The following MRC2 variants were observed in gnomAD, a reference collection of about 807,000 sequenced individuals.
MRC2 encodes mannose receptor C-type 2.
A neutral mutation model predicts 206.2 loss-of-function variants in MRC2; 84 were observed. That is an observed-to-expected ratio of 0.41 (90% CI 0.34 to 0.49). The LOEUF (loss-of-function observed/expected upper bound fraction) is 0.49. Among genes scored for constraint, MRC2 ranks in the 20% least tolerant of loss-of-function variants. The pLI is 0.31. For missense variants in MRC2, 1,676 were observed against 2,001.5 expected (o/e 0.84, Z 3.10); for synonymous variants, 798 against 800.0 (o/e 1.00, Z 0.04).
At chr17:62,682,702 C>T (rs1057457348) in intron 20 of MRC2, among the ~76,000 whole-genome samples, 2 of 149,170 alleles carry the variant, frequency 1.3e-5, no homozygotes, top group African/African-American at 5.0e-5. Flanking sequence ...AGTGCAGTGG[C>T]GCGATCTCGG....
intron 20 of MRC2, 73 bp from the exon 21 acceptor site, chr17:62,688,216 C>A: frequency 7.6e-7 from 1 of 1,318,296 alleles, no homozygotes; most frequent in Admixed American, 1.8e-5. Flanking sequence ...TGCTGAGGGG[C>A]GCACAGTGGC....
chr17:62,682,067 C>T (rs897638363), intron 19 of MRC2, 130 bp downstream of exon 19: 9 of 1,092,102 alleles, frequency 8.2e-6, no homozygotes, highest in East Asian at 2.6e-5. Context: ...CTAGACTCAG[C>T]GAGGGGTGGA....
At chr17:62,649,468 G>A (rs991272037) in intron 1 of MRC2, among the ~76,000 whole-genome samples, 1 of 152,170 alleles carries the variant, frequency 6.6e-6, no homozygotes, top group Admixed American at 6.5e-5. Context: ...GTGGGCGCCT[G>A]TAATCCCAGC....
intron 1 of MRC2, 142 bp downstream of exon 1, chr17:62,628,062 A>C: frequency 3.8e-6 from 2 of 527,158 alleles, no homozygotes; most frequent in Non-Finnish European, 5.9e-6. Context: ...GGTTTTTAAA[A>C]CTCGTCTCCG....
Position 62,643,344 on chromosome 17 carries a change from A to AAAAAAAAG in MRC2, c.118+15427_118+15428insAAAAGAAA, listed in dbSNP as rs1192303393. ...AACTCCGTCAAAAAAAAAAAAAAAAAAAAGAAAAAGAAAAGAAAAAAGAAA... is the reference window on the plus strand; with the variant it reads ...AACTCCGTCAAAAAAAAAAAAAAAAAAAAAAAAGAAAGAAAAAGAAAAGAAAAAAGAAA... On this transcript the variant is annotated intron_variant, in intron 1 of 29. Coordinates refer to ENST00000303375, the MANE Select transcript of MRC2 (RefSeq NM_006039.5). Among the ~76,000 whole-genome samples, 38 of 149,928 alleles carry AAAAAAAAG rather than the reference A, an allele frequency of 2.5e-4. No individual in the cohort carries two copies. In the South Asian group the frequency reaches 7.8e-3, roughly 31 times the overall value.
chr17:62,658,853 A>G (rs988588369), intron 1 of MRC2, among the ~76,000 whole-genome samples: 5 of 152,126 alleles, frequency 3.3e-5, no homozygotes, highest in African/African-American at 7.2e-5. Context: ...AGAACCAGAT[A>G]CCTACTCCTT....
chr17:62,633,441 T>A (rs1320560141), intron 1 of MRC2, among the ~76,000 whole-genome samples: 1 of 145,908 alleles, frequency 6.9e-6, no homozygotes, highest in East Asian at 2.0e-4. Context: ...AGGCGGAGAT[T>A]GCAGTGAGCC....
rs774206521 is a variant in MRC2, at chr17:62,680,200, CACG to C, written c.2341_2343del (p.Asp781del). 6.2e-7 allele frequency: 1 copy of C among 1,614,056 alleles called. No individual in the cohort carries two copies. The highest frequency in any genetic ancestry group is 8.5e-7 in the Non-Finnish European group (1 of 1,179,944). On this transcript the variant is annotated inframe_deletion, in exon 15 of 30. Coordinates refer to ENST00000303375, the MANE Select transcript of MRC2 (RefSeq NM_006039.5). This position sits in a 1 kb window ranked among gnomAD's most constrained non-coding sequence, Gnocchi z 4.8. The stretch of plus-strand genomic sequence containing the variant: ...TTACCACAATTTCGACCGGAGCCGG[CACG>C]ACGACGACGACATCCGAGGCTGTGC...
Position 62,688,316 on chromosome 17 carries a change from C to G in MRC2, c.2974C>G (p.Gln992Glu). 1 of 1,614,138 alleles carries G rather than the reference C, an allele frequency of 6.2e-7. No homozygotes were observed. The highest frequency in any genetic ancestry group is 8.5e-7 in the Non-Finnish European group (1 of 1,180,034). The part of the protein sequence containing the change: ...KCFQVQGQEP[Q>E]SRVKWSEAQF... ...TTTTCAGGTCCAGGGCCAGGAACCC[C>G]AGAGCCGGGTGAAGTGGTCAGAGGC... Residue 992 changes from glutamine (Q) to glutamate (E), a missense_variant, in exon 21 of 30, where the codon CAG becomes GAG. Physicochemically the swap from Gln to Glu is conservative, Grantham distance 29 (BLOSUM62 2). Around this residue, in one of 3 missense-constraint regions of MRC2, gnomAD observed 1,354 missense variants for 1,636.6 expected, o/e 0.83. Coordinates refer to ENST00000303375, the MANE Select transcript of MRC2 (RefSeq NM_006039.5).
chr17:62,681,146 G>GCAGC lies in MRC2; in HGVS notation c.2702+18_2702+21dup. The GCAGC allele has an allele frequency of 6.2e-7, 1 of 1,612,304 alleles. No individual in the cohort carries two copies. The highest frequency in any genetic ancestry group is 8.5e-7 in the Non-Finnish European group (1 of 1,179,442). On this transcript the variant is annotated intron_variant, in intron 18 of 29. Transcript: ENST00000303375. ...GCGCTTCAGGTAGGAACCCAGGCAG[G>GCAGC]CAGCAGATGTGGAAGGGGGCTGGCT...
chr17:62,692,031 C>A lies in MRC2; in HGVS notation c.4193-81C>A. 3 of 1,596,564 alleles carry A rather than the reference C, an allele frequency of 1.9e-6. No homozygotes were observed. The South Asian group carries it at 3.3e-5, about 18-fold the overall frequency. ...TCTCCCCAGACCTCCCGGCCCAGGC[C>A]TGTGTGCTTTGTATGTTTACTTAAG... On this transcript the variant is annotated intron_variant, in intron 28 of 29. Coordinates refer to ENST00000303375, the MANE Select transcript of MRC2 (RefSeq NM_006039.5). This position sits in a 1 kb window ranked among gnomAD's most constrained non-coding sequence, Gnocchi z 4.2.
At chr17:62,645,788 C>T (rs541554697) in intron 1 of MRC2, among the ~76,000 whole-genome samples, 2 of 151,514 alleles carry the variant, frequency 1.3e-5, no homozygotes, top group South Asian at 2.1e-4. Context: ...AATCCACCTG[C>T]CTCAGCTTCC....
chr17:62,676,598 G>T (rs2088895820), intron 11 of MRC2, 67 bp downstream of exon 11: 3 of 1,518,618 alleles, frequency 2.0e-6, no homozygotes. Flanking sequence ...GGCCCTGCCA[G>T]CACCGAGCCC....
In MRC2 at chr17:62,664,396, G is replaced by A; in HGVS notation, c.119-152G>A. Reference sequence around the variant, plus strand: ...CACTGCCACTCATTTCCACCTCAGAGGGTTGGTAGTGAGTACCGAGTGATT... The same window carrying A: ...CACTGCCACTCATTTCCACCTCAGAAGGTTGGTAGTGAGTACCGAGTGATT... On this transcript the variant is annotated intron_variant, in intron 1 of 29. Transcript: ENST00000303375. The surrounding 1 kb of genome is among the most constrained non-coding windows in gnomAD (Gnocchi z 4.7). 1.1e-6 allele frequency: 1 copy of A among 882,680 alleles called. No individual in the cohort carries two copies. Among genetic ancestry groups the A allele is most frequent in the Admixed American group, 2.4e-5 (1 of 41,146 alleles). The allele number at this position is 882,680 out of a possible 1,614,324, so 54.7% of individuals were successfully genotyped here.
chr17:62,649,809 AC>A lies in MRC2; in HGVS notation c.119-14731del, dbSNP rs564222504. On this transcript the variant is annotated intron_variant, in intron 1 of 29. Coordinates refer to ENST00000303375, the MANE Select transcript of MRC2 (RefSeq NM_006039.5). ...ATCAATCATGTTGGCAGGGCAGCAG[AC>A]CCCCCCCGCCCCACCGATACATACA... is the stretch of plus-strand genomic sequence containing the variant. Among the ~76,000 whole-genome samples, 177 of 141,774 alleles carry A rather than the reference AC, an allele frequency of 1.2e-3. 1 individual carries two copies. The highest frequency in any genetic ancestry group is 4.0e-3 in the South Asian group (17 of 4,258). The allele number at this position is 141,774 out of a possible 152,430, so 93.0% of individuals were successfully genotyped here. A position where few individuals can be genotyped will look rare whatever the true frequency, so the allele number is the denominator to read the frequency against.
chr17:62,666,437 G>A lies in MRC2; in HGVS notation c.695-18G>A. ...GACCCTGGAGGGGGCCTGAAGGAGA[G>A]GGCTGTCGTGGTGGCAGGTAACGAC... On this transcript the variant is annotated intron_variant, in intron 3 of 29. Coordinates refer to ENST00000303375, the MANE Select transcript of MRC2 (RefSeq NM_006039.5). This position sits in a 1 kb window ranked among gnomAD's most constrained non-coding sequence, Gnocchi z 5.0. 1.2e-6 allele frequency: 2 copies of A among 1,613,714 alleles called. No homozygotes were observed. The highest frequency in any genetic ancestry group is 1.7e-6 in the Non-Finnish European group (2 of 1,179,996).
chr17:62,672,348 C>T lies in MRC2; in HGVS notation c.1461+196C>T, dbSNP rs1156703020. On this transcript the variant is annotated intron_variant, in intron 8 of 29. Transcript: ENST00000303375. This position sits in a 1 kb window ranked among gnomAD's most constrained non-coding sequence, Gnocchi z 4.5. Reference sequence around the variant, plus strand: ...GGGGCTTGAATCCTACCTCCACCTCCACCTCCAAGTAGCCAAGTCACCTTG... The same window carrying T: ...GGGGCTTGAATCCTACCTCCACCTCTACCTCCAAGTAGCCAAGTCACCTTG... 6.6e-6 allele frequency among the ~76,000 whole-genome samples: 1 copy of T among 152,162 alleles called. No individual in the cohort carries two copies. Among genetic ancestry groups the T allele is most frequent in the African/African-American group, 2.4e-5 (1 of 41,432 alleles).
chr17:62,683,083 C>G (rs1305646344), intron 20 of MRC2, among the ~76,000 whole-genome samples: 1 of 133,614 alleles, frequency 7.5e-6, no homozygotes, highest in Non-Finnish European at 1.8e-5. Context: ...TACTTCCATA[C>G]TAATATGACT....
chr17:62,685,319 A>G (rs988082801), intron 20 of MRC2, among the ~76,000 whole-genome samples: 1 of 152,144 alleles, frequency 6.6e-6, no homozygotes, highest in African/African-American at 2.4e-5. Flanking sequence ...GCCTTTTTCC[A>G]TGGAATTGAG....
Sources: allele counts gnomAD v4.1 joint callset (sites outside exome capture counted in the v4.1 genomes callset), GRCh38; gene constraint gnomAD v4.1.1; regional missense constraint gnomAD v4.1.1; non-coding constraint Gnocchi (gnomAD v3.1); transcripts MANE v1.5; gene names NCBI Gene and HGNC (gene_info 2026-07-23, HGNC 2026-07-21).